Variants in SRBD1 observed in about 807,000 individuals in gnomAD.
The protein encoded by SRBD1 is S1 RNA binding domain 1.
Under a neutral mutation model 115.3 loss-of-function variants are expected in SRBD1, and 88 were observed. The ratio of observed to expected loss-of-function variants is 0.76; its 90% confidence interval spans 0.64 to 0.91. The LOEUF (loss-of-function observed/expected upper bound fraction) is 0.91. Ranked by LOEUF, SRBD1 falls within the 40% of genes least tolerant of loss-of-function variation. The pLI is 0.00. For missense variants in SRBD1, 1,385 were observed against 1,177.4 expected, an observed-to-expected ratio of 1.18 and a Z score of -2.58; for synonymous variants, 509 against 407.7, an observed-to-expected ratio of 1.25 and a Z score of -2.99.
intron 14 of SRBD1, among the ~76,000 whole-genome samples, chr2:45,538,219 TA>T (rs1329038611): frequency 2.0e-5 from 3 of 152,168 alleles, no homozygotes; most frequent in Non-Finnish European, 4.4e-5. Flanking sequence ...AAATTCTTCA[TA>T]ACACCCCATG....
intron 14 of SRBD1, among the ~76,000 whole-genome samples, chr2:45,496,130 GTTTGCATCAT>G (rs1344579535): frequency 1.3e-5 from 2 of 152,172 alleles, no homozygotes; most frequent in Non-Finnish European, 2.9e-5. Context: ...AAAGGGAAAA[GTTTGCATCAT>G]TTTGCATCAT....
intron 6 of SRBD1, 52 bp from the exon 7 acceptor site, chr2:45,580,065 TAA>T: frequency 7.1e-7 from 1 of 1,404,676 alleles, no homozygotes; most frequent in Non-Finnish European, 9.4e-7. Flanking sequence ...AAACAAAAGT[TAA>T]AACTAGGTTA....
chr2:45,426,441 T>C (rs1253218032), intron 16 of SRBD1, among the ~76,000 whole-genome samples: 1 of 152,186 alleles, frequency 6.6e-6, no homozygotes, highest in Non-Finnish European at 1.5e-5. Flanking sequence ...GACTTAAACG[T>C]TCTTGCCTGC....
chr2:45,422,987 A>G (rs1668050433), intron 16 of SRBD1, among the ~76,000 whole-genome samples: 1 of 152,202 alleles, frequency 6.6e-6, no homozygotes, highest in African/African-American at 2.4e-5. Flanking sequence ...AAATTGAGAG[A>G]AAATGTTGAC....
intron 14 of SRBD1, among the ~76,000 whole-genome samples, chr2:45,510,048 A>C (rs1670919917): frequency 6.6e-6 from 1 of 152,138 alleles, no homozygotes; most frequent in Admixed American, 6.6e-5. Flanking sequence ...TATTTTTTCA[A>C]ACACCTATTT....
At chr2:45,493,984 T>C (rs895557420) in intron 14 of SRBD1, among the ~76,000 whole-genome samples, 3 of 152,154 alleles carry the variant, frequency 2.0e-5, no homozygotes, top group African/African-American at 4.8e-5. Flanking sequence ...CTAGCTATTA[T>C]ATTTTTAGCA....
At chr2:45,466,722 T>G (rs1669499883) in intron 16 of SRBD1, among the ~76,000 whole-genome samples, 1 of 152,236 alleles carries the variant, frequency 6.6e-6, no homozygotes, top group African/African-American at 2.4e-5. Context: ...TACTGATTTT[T>G]GCTTCTTCAA....
chr2:45,607,940 T>C (rs955291212), intron 1 of SRBD1, among the ~76,000 whole-genome samples: 1 of 152,180 alleles, frequency 6.6e-6, no homozygotes, highest in African/African-American at 2.4e-5. Flanking sequence ...CTGGAGAATC[T>C]AACCAGTCCA....
chr2:45,610,915 G>A (rs1179627615), intron 1 of SRBD1, among the ~76,000 whole-genome samples: 5 of 137,328 alleles, frequency 3.6e-5, no homozygotes, highest in African/African-American at 1.5e-4. Flanking sequence ...GCGACAGAGG[G>A]AGACTCCGTC....
At chr2:45,437,500 C>A (rs190443241) in intron 16 of SRBD1, among the ~76,000 whole-genome samples, 3 of 152,078 alleles carry the variant, frequency 2.0e-5, no homozygotes, top group African/African-American at 7.2e-5. Context: ...GGTGCTGGAA[C>A]AACTGGACAT....
At chr2:45,494,522 G>T (rs778715939) in intron 14 of SRBD1, among the ~76,000 whole-genome samples, 3 of 152,040 alleles carry the variant, frequency 2.0e-5, no homozygotes, top group Non-Finnish European at 2.9e-5. Flanking sequence ...TAGCTAAGCA[G>T]AAAAGTCAAG....
At chr2:45,448,320 T>C (rs1668889374) in intron 16 of SRBD1, among the ~76,000 whole-genome samples, 1 of 152,132 alleles carries the variant, frequency 6.6e-6, no homozygotes. Flanking sequence ...GATAGAATAA[T>C]ATATTTTATT....
intron 19 of SRBD1, among the ~76,000 whole-genome samples, chr2:45,395,789 T>A (rs902088364): frequency 6.6e-6 from 1 of 152,202 alleles, no homozygotes; most frequent in Non-Finnish European, 1.5e-5. Context: ...CTGTACATGA[T>A]AGGAAACAAT....
intron 14 of SRBD1, among the ~76,000 whole-genome samples, chr2:45,512,465 T>C (rs1303720533): frequency 2.0e-5 from 3 of 152,190 alleles, no homozygotes; most frequent in Non-Finnish European, 4.4e-5. Flanking sequence ...AAATTGTACT[T>C]ATCTGTTGAA....
At chr2:45,465,805 TGA>T (rs1669469299) in intron 16 of SRBD1, among the ~76,000 whole-genome samples, 1 of 152,202 alleles carries the variant, frequency 6.6e-6, no homozygotes, top group African/African-American at 2.4e-5. Flanking sequence ...GAAGCATTTG[TGA>T]CCAGGCTACA....
intron 14 of SRBD1, among the ~76,000 whole-genome samples, chr2:45,517,131 A>G (rs1226794397): frequency 6.6e-6 from 1 of 152,222 alleles, no homozygotes; most frequent in African/African-American, 2.4e-5. Context: ...TAATGAGGGT[A>G]TCTAAAGCAC....
intron 16 of SRBD1, among the ~76,000 whole-genome samples, chr2:45,436,700 T>G (rs1182673309): frequency 6.6e-6 from 1 of 152,076 alleles, no homozygotes; most frequent in Non-Finnish European, 1.5e-5. Context: ...GAGAACAGCA[T>G]AGGGGAAACC....
intron 19 of SRBD1, among the ~76,000 whole-genome samples, chr2:45,403,203 C>A (rs1227596082): frequency 2.0e-5 from 3 of 151,962 alleles, no homozygotes; most frequent in Non-Finnish European, 2.9e-5. Flanking sequence ...TTTTTCAATC[C>A]ACAAGAGATT....
At chr2:45,409,919 G>A (rs1473651728) in intron 19 of SRBD1, among the ~76,000 whole-genome samples, 1 of 151,968 alleles carries the variant, frequency 6.6e-6, no homozygotes, top group Non-Finnish European at 1.5e-5. Flanking sequence ...ATATTATTAA[G>A]ACAGCAATAT....
Sources: gnomAD v4.1 joint callset for allele counts (sites outside exome capture counted in the v4.1 genomes callset) on GRCh38, gnomAD v4.1.1 for gene constraint, MANE v1.5 for transcripts, NCBI Gene and HGNC (gene_info 2026-07-23, HGNC 2026-07-21) for gene names.